Variants in MAPT observed in about 807,000 individuals in gnomAD.
MAPT encodes the protein microtubule associated protein tau, also known as microtubule-associated protein tau.
MAPT carries 34 observed loss-of-function variants against 67.9 expected under a neutral mutation model. The ratio of observed to expected loss-of-function variants is 0.50; its 90% CI spans 0.38 to 0.67. The LOEUF is 0.67. MAPT is among the 30% of genes least tolerant of loss of function. The pLI is 0.00. For synonymous variants in MAPT, 456 were observed against 464.5 expected (o/e 0.98, Z 0.23); for missense variants, 881 against 1,115.2 (o/e 0.79, Z 2.99).
At chr17:45,999,690 G>C in intron 9 of MAPT, 1 of 1,548,068 alleles carries the variant, frequency 6.5e-7, no homozygotes, top group South Asian at 1.2e-5. Context: ...GGAGCCCCAG[G>C]TTATGACGTC....
intron 2 of MAPT, among the ~76,000 whole-genome samples, chr17:45,964,892 C>T (rs1238950949): frequency 6.6e-6 from 1 of 152,150 alleles, no homozygotes; most frequent in East Asian, 1.9e-4. Flanking sequence ...CACCCTGGTG[C>T]TCAGGATGTG....
chr17:45,941,733 T>TCCTG (rs1568208436), intron 1 of MAPT, among the ~76,000 whole-genome samples: 4 of 59,852 alleles, frequency 6.7e-5, no homozygotes, highest in East Asian at 8.2e-4. Flanking sequence ...CTTCCTTCCT[T>TCCTG]CCTTCCTTCC....
chr17:45,998,781 T>G (rs563026293), intron 9 of MAPT, among the ~76,000 whole-genome samples: 1 of 152,184 alleles, frequency 6.6e-6, no homozygotes, highest in East Asian at 1.9e-4. Context: ...CTCCAGACTT[T>G]CCAGTCCTCA....
At chr17:45,972,094 A>AGCCTTGCGTCGAT (rs1214669629) in intron 3 of MAPT, 149 bp downstream of exon 3, 4 of 720,346 alleles carry the variant, frequency 5.6e-6, no homozygotes, top group Non-Finnish European at 7.5e-6. Context: ...GTGGGAGCTG[A>AGCCTTGCGTCGAT]GCCTTGCGTC....
Position 45,896,728 on chromosome 17 carries a change from A to C in MAPT, c.-18+2042A>C, listed in dbSNP as rs1425032560. On this transcript the variant is annotated intron_variant, in intron 1 of 12. Coordinates refer to ENST00000262410, the MANE Select transcript of MAPT (RefSeq NM_001377265.1). The surrounding 1 kb of genome is among the most constrained non-coding windows in gnomAD (Gnocchi z 5.6). ...GATAGGCGGCCCTGGGTGTATTTTT[A>C]TTAATATTATGTCCGTACTGATTAA... The C allele has an allele frequency of 7.9e-5, 12 of 152,092 alleles. No homozygotes were observed. Among genetic ancestry groups the C allele is most frequent in the Admixed American group, 7.9e-4 (12 of 15,278 alleles). 9.4% of individuals were successfully genotyped at this position (152,092 alleles called of 1,614,324 possible). A position where few individuals can be genotyped will look rare whatever the true frequency, so the allele number is the denominator to read the frequency against.
rs1383046195 is a variant in MAPT, at chr17:46,026,104, AAAG to A, written c.*1934_*1936del. 55 of 152,422 alleles carry A rather than the reference AAAG, an allele frequency of 3.6e-4. No homozygotes were observed. Among genetic ancestry groups the A allele is most frequent in the African/African-American group, 1.3e-3 (54 of 41,494 alleles). The allele number at this position is 152,422 out of a possible 1,614,324, so 9.4% of individuals were successfully genotyped here. A position where few individuals can be genotyped will look rare whatever the true frequency, so the allele number is the denominator to read the frequency against. On this transcript the variant is annotated 3_prime_UTR_variant, in exon 13 of 13. Coordinates refer to ENST00000262410, the MANE Select transcript of MAPT (RefSeq NM_001377265.1). ...TAGTGAAAAGAAAAAAAAAAAAAAAAAAGGACGCATGTATCTTGAAATGCTTGT... is the reference window on the plus strand; with the variant it reads ...TAGTGAAAAGAAAAAAAAAAAAAAAAGACGCATGTATCTTGAAATGCTTGT...
At chr17:46,021,245 C>A (rs966963959) in intron 12 of MAPT, among the ~76,000 whole-genome samples, 9 of 152,168 alleles carry the variant, frequency 5.9e-5, no homozygotes, top group Non-Finnish European at 1.0e-4. Flanking sequence ...TCGGGTTGCG[C>A]GACAGGGATA....
rs1321460540 is a variant in MAPT at position 45,983,420 on chromosome 17, G to C, written c.841G>C (p.Ala281Pro). ...LHQEGPPLKG[A>P]GGKERPGSKE... ...CCAGGAGGGGCCGCCGCTGAAGGGG[G>C]CAGGGGGCAAAGAGAGGCCGGGGAG... Residue 281 changes from alanine (A) to proline (P), a missense_variant, in exon 5 of 13, where the codon GCA (alanine) becomes CCA (proline). Physicochemically the swap from Ala to Pro is conservative, Grantham distance 27. This residue lies in a region of MAPT where 687 missense variants were observed against 766.1 expected (regional missense o/e 0.90). Coordinates refer to ENST00000262410, the MANE Select transcript of MAPT (RefSeq NM_001377265.1). The C allele has an allele frequency of 1.9e-6, 3 of 1,607,654 alleles. No homozygotes were observed. The highest frequency in any genetic ancestry group is 2.2e-5 in the East Asian group (1 of 44,780).
At chr17:45,903,491 G>A (rs1041864513) in intron 1 of MAPT, among the ~76,000 whole-genome samples, 6 of 151,598 alleles carry the variant, frequency 4.0e-5, no homozygotes, top group South Asian at 4.2e-4. Context: ...AGGCCGAGGC[G>A]GGCAGATCAT....
In MAPT at chr17:45,983,876, C is replaced by G; in HGVS notation, c.1297C>G (p.Gln433Glu). ...EADLPEPSEK[Q>E]PAAAPRGKPV... is the part of the protein sequence containing the mutation. Reference sequence around the variant, plus strand: ...TGACCTTCCAGAGCCCTCTGAAAAGCAGCCTGCTGCTGCTCCGCGGGGGAA... The same window carrying G: ...TGACCTTCCAGAGCCCTCTGAAAAGGAGCCTGCTGCTGCTCCGCGGGGGAA... The change falls in exon 5 of 13, where the codon CAG becomes GAG. Residue 433 changes from glutamine (Q) to glutamate (E), a missense_variant. By Grantham distance (29) the Gln-to-Glu change is conservative. This residue lies in a region of MAPT where 687 missense variants were observed against 766.1 expected (regional missense o/e 0.90). Transcript: ENST00000262410. 6.3e-7 allele frequency: 1 copy of G among 1,595,978 alleles called. No homozygotes were observed. Among genetic ancestry groups the G allele is most frequent in the Non-Finnish European group, 8.5e-7 (1 of 1,173,426 alleles).
rs2074468853 is a variant in MAPT at position 45,996,367 on chromosome 17, G to A, written c.1733-32G>A. 1 of 1,607,304 alleles carries A rather than the reference G, an allele frequency of 6.2e-7. No individual in the cohort carries two copies. The highest frequency in any genetic ancestry group is 8.5e-7 in the Non-Finnish European group (1 of 1,179,862). On this transcript the variant is annotated intron_variant, in intron 8 of 12. Transcript: ENST00000262410. This position sits in a 1 kb window ranked among gnomAD's most constrained non-coding sequence, Gnocchi z 4.5. ...GCCTTTTCTGACCCCACCCACTCGA[G>A]TCCTGGCTTCACTCCCTTCCTTCCT...
At chr17:45,952,024 C>T (rs772208694) in intron 1 of MAPT, among the ~76,000 whole-genome samples, 1 of 152,170 alleles carries the variant, frequency 6.6e-6, no homozygotes, top group East Asian at 1.9e-4. Flanking sequence ...TATCGCTTCT[C>T]GGCCTTTTGG....
chr17:45,978,685 G>C, intron 4 of MAPT: 1 of 524,842 alleles, frequency 1.9e-6, no homozygotes, highest in Non-Finnish European at 3.4e-6. Flanking sequence ...GCCTTGTCCA[G>C]CCTGGGAGTT....
At chr17:45,948,644 C>G (rs116593202) in intron 1 of MAPT, among the ~76,000 whole-genome samples, 377 of 152,282 alleles carry the variant, frequency 2.5e-3, no homozygotes, top group African/African-American at 8.5e-3. Flanking sequence ...AAGCCTGGCT[C>G]CATTACATAC....
At chr17:45,953,078 C>T (rs2069252094) in intron 1 of MAPT, among the ~76,000 whole-genome samples, 1 of 152,106 alleles carries the variant, frequency 6.6e-6, no homozygotes, top group Non-Finnish European at 1.5e-5. Context: ...GAGATGCCTG[C>T]AAGGCACCTG....
At chr17:45,924,191 G>C (rs1348995694) in intron 1 of MAPT, among the ~76,000 whole-genome samples, 1 of 150,814 alleles carries the variant, frequency 6.6e-6, no homozygotes, top group African/African-American at 2.4e-5. Flanking sequence ...CAGCCCCCCA[G>C]ACTCCCAACC....
At chr17:45,940,533 G>C (rs931009788) in intron 1 of MAPT, among the ~76,000 whole-genome samples, 1 of 152,212 alleles carries the variant, frequency 6.6e-6, no homozygotes, top group Non-Finnish European at 1.5e-5. Context: ...CCAGAGCCTA[G>C]AGTTCATTCT....
At chr17:45,962,279 C>G (rs966671669) in intron 1 of MAPT, 42 bp from the exon 2 acceptor site, 137 of 1,570,468 alleles carry the variant, frequency 8.7e-5, no homozygotes, top group Non-Finnish European at 1.1e-4. Flanking sequence ...ACTCTGCCCC[C>G]CAACACTCCT....
At chr17:45,908,787 C>G (rs1481220030) in intron 1 of MAPT, among the ~76,000 whole-genome samples, 2 of 152,162 alleles carry the variant, frequency 1.3e-5, no homozygotes, top group Non-Finnish European at 2.9e-5. Flanking sequence ...TCTGGTCTTG[C>G]CTCCCACGTT....
Sources: gnomAD v4.1 joint callset for allele counts (sites outside exome capture counted in the v4.1 genomes callset) on GRCh38, gnomAD v4.1.1 for gene constraint, gnomAD v4.1.1 regional missense constraint, Gnocchi (gnomAD v3.1) non-coding constraint, MANE v1.5 for transcripts, NCBI Gene and HGNC (gene_info 2026-07-23, HGNC 2026-07-21) for gene names.